SLC9C1: variants seen among roughly 807,000 people sequenced by gnomAD.
SLC9C1 encodes sodium/hydrogen exchanger 10.
In SLC9C1, 97 loss-of-function variants were observed where a neutral mutation model predicts 140.9. The observed-to-expected ratio is 0.69, with a 90% CI of 0.58 to 0.82. The LOEUF (loss-of-function observed/expected upper bound fraction) is 0.82. Ranked by LOEUF, SLC9C1 falls within the 40% of genes least tolerant of loss-of-function variation. SLC9C1 has a pLI of 0.00. For synonymous variants in SLC9C1, 440 were observed against 442.6 expected, an observed-to-expected ratio of 0.99 and a Z score of 0.07; for missense variants, 1,340 against 1,389.3, an observed-to-expected ratio of 0.96 and a Z score of 0.56.
At chr3:112,277,969 C>A (rs1440578547) in intron 4 of SLC9C1, 109 bp from the exon 5 acceptor site, 1 of 893,660 alleles carries the variant, frequency 1.1e-6, no homozygotes, top group African/African-American at 1.7e-5. Flanking sequence ...ACCAACAGTA[C>A]CCACCAGCAG....
chr3:112,244,960 T>C (rs528785099), intron 10 of SLC9C1, among the ~76,000 whole-genome samples: 3 of 152,344 alleles, frequency 2.0e-5, no homozygotes, highest in Non-Finnish European at 2.9e-5. Flanking sequence ...TGTACATACA[T>C]TGAAATGTAC....
At chr3:112,250,240 A>G (rs1424193162) in intron 10 of SLC9C1, among the ~76,000 whole-genome samples, 70 of 151,738 alleles carry the variant, frequency 4.6e-4, no homozygotes, top group Non-Finnish European at 8.4e-4. Context: ...AAGGACGTGA[A>G]CTCATCATTT....
intron 2 of SLC9C1, among the ~76,000 whole-genome samples, chr3:112,285,506 G>C (rs2080483553): frequency 6.6e-6 from 1 of 152,166 alleles, no homozygotes; most frequent in African/African-American, 2.4e-5. Context: ...CTCCCACAGT[G>C]CTGGGAGTAT....
In SLC9C1 at chr3:112,241,659, G is replaced by A. The variant is rs2079141803; in HGVS notation, c.1280-1653C>T. Among the ~76,000 whole-genome samples the A allele has an allele frequency of 2.0e-5, 3 of 152,166 alleles. No homozygotes were observed. The South Asian group carries it at 6.2e-4, about 32-fold the overall frequency. ...TAGCCAATGCAATCCTAAGCAAACAGAACGAAGCCAGAAGCATCACACTAC... is the reference window on the plus strand; with the variant it reads ...TAGCCAATGCAATCCTAAGCAAACAAAACGAAGCCAGAAGCATCACACTAC... On this transcript the variant is annotated intron_variant, in intron 11 of 28. Coordinates refer to ENST00000305815, the MANE Select transcript of SLC9C1 (RefSeq NM_183061.3).
At chr3:112,205,214 C>A (rs9875860) in intron 16 of SLC9C1, among the ~76,000 whole-genome samples, 45,931 of 151,678 alleles carry the variant, frequency 0.3, 7,182 homozygotes, top group East Asian at 0.36. Flanking sequence ...TCTCAGGATA[C>A]AAAATCAATG....
chr3:112,186,045 C>G (rs976610325), intron 20 of SLC9C1: 1 of 1,269,382 alleles, frequency 7.9e-7, no homozygotes, highest in Non-Finnish European at 1.1e-6. Context: ...AAATATCTTC[C>G]GCTGCACAGT....
intron 28 of SLC9C1, among the ~76,000 whole-genome samples, chr3:112,149,323 G>A (rs186103013): frequency 1.9e-4 from 28 of 150,488 alleles, no homozygotes; most frequent in Middle Eastern, 3.6e-3. Flanking sequence ...TCTGAATGCC[G>A]GTGATCTGCC....
chr3:112,233,744 G>C (rs1365758813), intron 12 of SLC9C1, among the ~76,000 whole-genome samples: 3 of 151,062 alleles, frequency 2.0e-5, no homozygotes, highest in Middle Eastern at 3.4e-3. Context: ...GGTTTTTTGT[G>C]CTTGTGATAG....
intron 20 of SLC9C1, among the ~76,000 whole-genome samples, chr3:112,186,765 T>G (rs1327592921): frequency 6.6e-6 from 1 of 152,170 alleles, no homozygotes; most frequent in Non-Finnish European, 1.5e-5. Context: ...AATAAAACAA[T>G]GGAACAGAAA....
intron 7 of SLC9C1, among the ~76,000 whole-genome samples, chr3:112,268,577 G>A (rs4279069): frequency 0.3 from 45,139 of 151,950 alleles, 7,254 homozygotes; most frequent in East Asian, 0.43. Context: ...TAAAAATACC[G>A]TCAATTGTTT....
intron 20 of SLC9C1, among the ~76,000 whole-genome samples, chr3:112,183,554 A>G (rs1207757752): frequency 6.6e-6 from 1 of 151,064 alleles, no homozygotes; most frequent in African/African-American, 2.4e-5. Context: ...GGCTCAGTAC[A>G]AGGCACTCTG....
At chr3:112,256,680 C>T (rs113270289) in intron 10 of SLC9C1, among the ~76,000 whole-genome samples, 15 of 152,220 alleles carry the variant, frequency 9.9e-5, no homozygotes, top group African/African-American at 3.6e-4. Flanking sequence ...CCTCTCTCAC[C>T]AGTCCTACTC....
intron 26 of SLC9C1, among the ~76,000 whole-genome samples, chr3:112,161,751 C>A (rs199751253): frequency 6.6e-6 from 1 of 151,576 alleles, no homozygotes; most frequent in Non-Finnish European, 1.5e-5. Flanking sequence ...CTTGGCGATG[C>A]GGGCTCTTTT....
At chr3:112,235,084 C>T (rs1332568868) in intron 12 of SLC9C1, among the ~76,000 whole-genome samples, 2 of 148,064 alleles carry the variant, frequency 1.4e-5, no homozygotes, top group East Asian at 2.0e-4. Context: ...GCCATTTTCA[C>T]GATATTGATT....
chr3:112,219,772 G>C (rs1419971135), intron 14 of SLC9C1, among the ~76,000 whole-genome samples: 3 of 151,898 alleles, frequency 2.0e-5, no homozygotes, highest in Non-Finnish European at 4.4e-5. Flanking sequence ...GTAGAGACAG[G>C]GTTTCACCAT....
At chr3:112,175,725 G>A (rs924626481) in intron 23 of SLC9C1, among the ~76,000 whole-genome samples, 1 of 152,216 alleles carries the variant, frequency 6.6e-6, no homozygotes, top group Non-Finnish European at 1.5e-5. Flanking sequence ...AAGTCTGACT[G>A]CTTCTCCATA....
At chr3:112,181,445 T>A (rs1285359208) in intron 21 of SLC9C1, among the ~76,000 whole-genome samples, 1 of 152,162 alleles carries the variant, frequency 6.6e-6, no homozygotes, top group Admixed American at 6.6e-5. Flanking sequence ...AATAGATATT[T>A]AAAAAAAGAA....
chr3:112,250,323 T>C (rs1402696951), intron 10 of SLC9C1, among the ~76,000 whole-genome samples: 1 of 151,660 alleles, frequency 6.6e-6, no homozygotes, highest in Non-Finnish European at 1.5e-5. Context: ...TGTTGGACAT[T>C]TGGGTTGGTT....
chr3:112,251,391 C>T (rs1046183187), intron 10 of SLC9C1, among the ~76,000 whole-genome samples: 2 of 152,092 alleles, frequency 1.3e-5, no homozygotes, highest in African/African-American at 4.8e-5. Flanking sequence ...CATGAACCGA[C>T]TCCATCAAGG....
Sources: gnomAD v4.1 joint callset for allele counts (sites outside exome capture counted in the v4.1 genomes callset) on GRCh38, gnomAD v4.1.1 for gene constraint, MANE v1.5 for transcripts, NCBI Gene and HGNC (gene_info 2026-07-23, HGNC 2026-07-21) for gene names.